CTNND2: variants seen among roughly 807,000 people sequenced by gnomAD.
CTNND2 encodes the protein catenin delta 2.
Under a neutral mutation model 144.4 loss-of-function variants are expected in CTNND2, and 22 were observed. The observed-to-expected ratio is 0.15, with a 90% CI of 0.11 to 0.22. CTNND2 has a LOEUF of 0.22. Ranked by LOEUF, CTNND2 falls within the 10% of genes least tolerant of loss-of-function variation. CTNND2 has a pLI of 1.00. For missense variants in CTNND2, 1,353 were observed against 1,618.8 expected, an observed-to-expected ratio of 0.84 and a Z score of 2.82; for synonymous variants, 751 against 695.6, an observed-to-expected ratio of 1.08 and a Z score of -1.25.
chr5:11,685,293 G>A (rs1359227385), intron 2 of CTNND2, among the ~76,000 whole-genome samples: 1 of 152,164 alleles, frequency 6.6e-6, no homozygotes, highest in Non-Finnish European at 1.5e-5. Context: ...CACATATTCA[G>A]TCAAAACTTG....
chr5:11,468,870 C>T (rs980429160), intron 3 of CTNND2, among the ~76,000 whole-genome samples: 1 of 152,050 alleles, frequency 6.6e-6, no homozygotes, highest in African/African-American at 2.4e-5. Flanking sequence ...GATTCTTGCA[C>T]GATCAACTTT....
At chr5:11,403,533 A>G (rs1416278278) in intron 5 of CTNND2, among the ~76,000 whole-genome samples, 4 of 152,222 alleles carry the variant, frequency 2.6e-5, no homozygotes. Flanking sequence ...CATGAGTGAG[A>G]TTGCACATAA....
chr5:11,151,171 T>C (rs1046892075), intron 12 of CTNND2, among the ~76,000 whole-genome samples: 1 of 152,232 alleles, frequency 6.6e-6, no homozygotes, highest in Non-Finnish European at 1.5e-5. Context: ...ATAAACAGCA[T>C]GAAAATCGAT....
At chr5:11,111,441 G>A (rs138161107) in intron 13 of CTNND2, among the ~76,000 whole-genome samples, 193 of 152,246 alleles carry the variant, frequency 1.3e-3, no homozygotes, top group African/African-American at 4.3e-3. Context: ...TTAGAATTTC[G>A]GTCAGCTCTG....
At chr5:10,980,658 T>C (rs1439547459) in intron 21 of CTNND2, among the ~76,000 whole-genome samples, 2 of 152,146 alleles carry the variant, frequency 1.3e-5, no homozygotes, top group African/African-American at 4.8e-5. Flanking sequence ...CAAATGTCCA[T>C]CAATGATAGA....
At chr5:11,703,650 C>A (rs1028137247) in intron 2 of CTNND2, among the ~76,000 whole-genome samples, 1 of 152,222 alleles carries the variant, frequency 6.6e-6, no homozygotes, top group African/African-American at 2.4e-5. Flanking sequence ...AATATTGTCT[C>A]TGCCCTCAGG....
chr5:11,258,745 G>A (rs991312940), intron 9 of CTNND2, among the ~76,000 whole-genome samples: 1 of 152,074 alleles, frequency 6.6e-6, no homozygotes, highest in East Asian at 1.9e-4. Flanking sequence ...CAAAACCTGA[G>A]GATTTTAGGT....
intron 7 of CTNND2, among the ~76,000 whole-genome samples, chr5:11,378,447 A>T (rs1440452358): frequency 6.6e-6 from 1 of 152,192 alleles, no homozygotes; most frequent in Non-Finnish European, 1.5e-5. Flanking sequence ...CCACCTTTAC[A>T]AGGTTAAAGT....
intron 7 of CTNND2, among the ~76,000 whole-genome samples, chr5:11,379,386 C>T (rs1418832563): frequency 2.0e-5 from 3 of 152,080 alleles, no homozygotes; most frequent in African/African-American, 7.2e-5. Flanking sequence ...GTCAAAGCGA[C>T]GTAGGTTCAA....
intron 1 of CTNND2, among the ~76,000 whole-genome samples, chr5:11,808,698 T>C (rs2126903175): frequency 6.6e-6 from 1 of 152,292 alleles, no homozygotes; most frequent in African/African-American, 2.4e-5. Context: ...GAAATACACA[T>C]CACATTCACT....
At chr5:11,762,520 T>C (rs1397193267) in intron 1 of CTNND2, among the ~76,000 whole-genome samples, 1 of 152,226 alleles carries the variant, frequency 6.6e-6, no homozygotes, top group African/African-American at 2.4e-5. Flanking sequence ...AAAAGAATTA[T>C]TTTGAAAAGT....
chr5:11,711,606 T>C (rs1786039277), intron 2 of CTNND2, among the ~76,000 whole-genome samples: 1 of 152,254 alleles, frequency 6.6e-6, no homozygotes, highest in Non-Finnish European at 1.5e-5. Flanking sequence ...ATATTAACTT[T>C]GAAATTCTTA....
At chr5:11,585,564 C>T (rs942049171) in intron 2 of CTNND2, among the ~76,000 whole-genome samples, 1 of 151,848 alleles carries the variant, frequency 6.6e-6, no homozygotes, top group African/African-American at 2.4e-5. Flanking sequence ...ACACCAGGCA[C>T]AGCCTAAGTG....
intron 3 of CTNND2, among the ~76,000 whole-genome samples, chr5:11,509,980 AG>A (rs1344033008): frequency 6.6e-6 from 1 of 152,174 alleles, no homozygotes; most frequent in Non-Finnish European, 1.5e-5. Flanking sequence ...TGCTCAGGCT[AG>A]AGGACAATGG....
chr5:11,508,088 C>T (rs571161164), intron 3 of CTNND2, among the ~76,000 whole-genome samples: 7 of 151,724 alleles, frequency 4.6e-5, no homozygotes, highest in East Asian at 1.9e-4. Context: ...TTTTATGTTA[C>T]GGTTGTTAGG....
chr5:11,376,519 G>T (rs758977404), intron 7 of CTNND2, among the ~76,000 whole-genome samples: 1 of 152,074 alleles, frequency 6.6e-6, no homozygotes, highest in Non-Finnish European at 1.5e-5. Context: ...CAGTGTCAAG[G>T]GCAGTATTTT....
At chr5:11,358,739 G>T (rs76649879) in intron 8 of CTNND2, among the ~76,000 whole-genome samples, 6 of 151,452 alleles carry the variant, frequency 4.0e-5, no homozygotes, top group African/African-American at 1.5e-4. Flanking sequence ...AGAGGATTAC[G>T]TTTTTTTTAG....
intron 1 of CTNND2, among the ~76,000 whole-genome samples, chr5:11,887,239 T>C (rs535116835): frequency 6.6e-6 from 1 of 152,256 alleles, no homozygotes; most frequent in African/African-American, 2.4e-5. Flanking sequence ...CGCCTCAGCC[T>C]CCCAAAGTGC....
rs926318855 is a variant in CTNND2 at position 11,122,811 on chromosome 5, C to G, written c.2160-5244G>C. ...AGAGAGTCCCAAGGCACCGTCCCGTCGAAAAATGAAGTCACATACTTAGTA... is the reference window on the plus strand; with the variant it reads ...AGAGAGTCCCAAGGCACCGTCCCGTGGAAAAATGAAGTCACATACTTAGTA... On this transcript the variant is annotated intron_variant, in intron 12 of 21. Transcript: ENST00000304623. 3.3e-4 allele frequency among the ~76,000 whole-genome samples: 50 copies of G among 152,082 alleles called. 1 individual carries two copies. Among genetic ancestry groups the G allele is most frequent in the African/African-American group, 1.2e-3 (50 of 41,512 alleles).
Sources: gnomAD v4.1 joint callset for allele counts (sites outside exome capture counted in the v4.1 genomes callset) on GRCh38, gnomAD v4.1.1 for gene constraint, MANE v1.5 for transcripts, NCBI Gene and HGNC (gene_info 2026-07-23, HGNC 2026-07-21) for gene names.